Variants in BICC1 observed in about 807,000 individuals in gnomAD.
The protein encoded by BICC1 is protein bicaudal C homolog 1.
A neutral mutation model predicts 111.0 loss-of-function variants in BICC1; 43 were observed. The ratio of observed to expected loss-of-function variants is 0.39; its 90% CI spans 0.30 to 0.50. BICC1 has a LOEUF of 0.50. Ranked by LOEUF, BICC1 falls within the 20% of genes least tolerant of loss-of-function variation. BICC1 has a pLI of 0.88. For synonymous variants in BICC1, 467 were observed against 434.4 expected (o/e 1.07, Z -0.93); for missense variants, 1,091 against 1,203.2 (o/e 0.91, Z 1.38).
chr10:58,650,316 TGAGAGTG>T (rs1447076432), intron 2 of BICC1: 21 of 152,200 alleles, frequency 1.4e-4, no homozygotes, highest in African/African-American at 5.1e-4. Context: ...TAACTGGTTA[TGAGAGTG>T]GAGTGTTACA....
chr10:58,532,443 C>T (rs1842706286), intron 1 of BICC1, among the ~76,000 whole-genome samples: 1 of 151,698 alleles, frequency 6.6e-6, no homozygotes, highest in Non-Finnish European at 1.5e-5. Flanking sequence ...GAACAAATAC[C>T]AAATTTATGG....
intron 19 of BICC1, among the ~76,000 whole-genome samples, chr10:58,818,524 C>T (rs1259856991): frequency 2.0e-5 from 3 of 152,202 alleles, no homozygotes; most frequent in Non-Finnish European, 2.9e-5. Context: ...TTTCTAGGCA[C>T]GTGTCAGTTA....
chr10:58,645,261 T>A (rs1838231325), intron 2 of BICC1, among the ~76,000 whole-genome samples: 1 of 151,808 alleles, frequency 6.6e-6, no homozygotes, highest in African/African-American at 2.4e-5. Context: ...TACAAAAAAT[T>A]AGCTGGGTGT....
intron 17 of BICC1, among the ~76,000 whole-genome samples, chr10:58,808,149 A>T (rs1226557645): frequency 6.6e-6 from 1 of 151,790 alleles, no homozygotes; most frequent in Non-Finnish European, 1.5e-5. Flanking sequence ...TCTCCTGTGA[A>T]TTTCATTTTG....
At chr10:58,706,793 C>T (rs1052375120) in intron 3 of BICC1, among the ~76,000 whole-genome samples, 7 of 152,138 alleles carry the variant, frequency 4.6e-5, no homozygotes, top group Admixed American at 1.3e-4. Context: ...CTGAGGCCTC[C>T]CCAGGCATGC....
At chr10:58,724,332 A>T (rs1841031729) in intron 3 of BICC1, among the ~76,000 whole-genome samples, 1 of 152,212 alleles carries the variant, frequency 6.6e-6, no homozygotes, top group African/African-American at 2.4e-5. Flanking sequence ...AAATCAAACT[A>T]TTCTCAGAGA....
chr10:58,692,675 G>A (rs916218850), intron 2 of BICC1, among the ~76,000 whole-genome samples: 5 of 152,100 alleles, frequency 3.3e-5, no homozygotes, highest in Non-Finnish European at 7.3e-5. Context: ...TTTACAATAA[G>A]GCGAGAGCAT....
intron 3 of BICC1, among the ~76,000 whole-genome samples, chr10:58,717,440 T>C (rs1342398724): frequency 6.6e-6 from 1 of 152,160 alleles, no homozygotes; most frequent in East Asian, 1.9e-4. Flanking sequence ...CTGTGTCTTA[T>C]TGCCAGAATC....
At chr10:58,723,207 G>A (rs191988587) in intron 3 of BICC1, among the ~76,000 whole-genome samples, 114 of 152,206 alleles carry the variant, frequency 7.5e-4, no homozygotes, top group Non-Finnish European at 1.2e-3. Context: ...TGGGAAGAAG[G>A]GAGTGAGACA....
chr10:58,617,230 A>G (rs7905025), intron 1 of BICC1, among the ~76,000 whole-genome samples: 58,380 of 152,174 alleles, frequency 0.38, 12,328 homozygotes, highest in East Asian at 0.48. Flanking sequence ...CGTCGTGCGG[A>G]TGACTTAGCT....
intron 2 of BICC1, among the ~76,000 whole-genome samples, chr10:58,642,704 T>G: frequency 6.9e-6 from 1 of 144,416 alleles, no homozygotes; most frequent in South Asian, 2.2e-4. Flanking sequence ...TTATTATTAT[T>G]ATTATTATTA....
intron 2 of BICC1, among the ~76,000 whole-genome samples, chr10:58,621,294 T>C (rs542554551): frequency 3.3e-4 from 51 of 152,300 alleles, no homozygotes; most frequent in African/African-American, 1.2e-3. Flanking sequence ...ATATTTAAAT[T>C]AAAACAAATT....
chr10:58,543,438 A>T (rs1843049408), intron 1 of BICC1, among the ~76,000 whole-genome samples: 1 of 152,126 alleles, frequency 6.6e-6, no homozygotes, highest in Non-Finnish European at 1.5e-5. Flanking sequence ...TCTTTTTTAC[A>T]ACAATGTGCA....
intron 3 of BICC1, among the ~76,000 whole-genome samples, chr10:58,773,098 A>G (rs1842662317): frequency 1.3e-5 from 2 of 152,184 alleles, no homozygotes; most frequent in Admixed American, 1.3e-4. Flanking sequence ...ACAAGGAGAG[A>G]GAAAATAAAG....
chr10:58,536,236 C>T (rs1402181121), intron 1 of BICC1, among the ~76,000 whole-genome samples: 4 of 151,656 alleles, frequency 2.6e-5, no homozygotes, highest in Non-Finnish European at 5.9e-5. Flanking sequence ...ATTTACAGAA[C>T]ATTCTACTCA....
At chr10:58,521,768 G>GTTTTTTTTTTTTTTTTTT (rs573116230) in intron 1 of BICC1, among the ~76,000 whole-genome samples, 1 of 112,806 alleles carries the variant, frequency 8.9e-6, no homozygotes, top group Non-Finnish European at 1.9e-5. Context: ...GGAATGTGGT[G>GTTTTTTTTTTTTTTTTTT]TTTTTTTTTT....
chr10:58,746,116 T>C (rs1173632754), intron 3 of BICC1, among the ~76,000 whole-genome samples: 1 of 152,132 alleles, frequency 6.6e-6, no homozygotes, highest in Non-Finnish European at 1.5e-5. Flanking sequence ...GGCCTTCCCA[T>C]TTGGTTAGTG....
intron 1 of BICC1, among the ~76,000 whole-genome samples, chr10:58,616,586 C>T (rs577183239): frequency 6.6e-6 from 1 of 152,292 alleles, no homozygotes; most frequent in South Asian, 2.1e-4. Context: ...AGTTGACAGT[C>T]CATTGTTACC....
intron 1 of BICC1, among the ~76,000 whole-genome samples, chr10:58,551,213 A>G (rs753388074): frequency 7.2e-5 from 11 of 152,322 alleles, no homozygotes; most frequent in Non-Finnish European, 1.2e-4. Flanking sequence ...TAAGATCTCA[A>G]TGAAGTAATG....
Sources: gnomAD v4.1 joint callset for allele counts (sites outside exome capture counted in the v4.1 genomes callset) on GRCh38, gnomAD v4.1.1 for gene constraint, MANE v1.5 for transcripts, NCBI Gene and HGNC (gene_info 2026-07-23, HGNC 2026-07-21) for gene names.